The following ANKMY2 variants were observed in gnomAD, a reference collection of about 807,000 sequenced individuals.
The protein encoded by ANKMY2 is ankyrin repeat and MYND domain containing 2, also known as ankyrin repeat and MYND domain-containing protein 2.
In ANKMY2, 36 loss-of-function variants were observed where a neutral mutation model predicts 50.4. That is an observed-to-expected ratio of 0.71 (90% CI 0.55 to 0.94). The LOEUF (loss-of-function observed/expected upper bound fraction) is 0.94, where lower values mean the gene tolerates loss of function less well. Ranked by LOEUF, ANKMY2 falls within the 40% of genes least tolerant of loss-of-function variation. The pLI is 0.00. For synonymous variants in ANKMY2, 187 were observed against 178.8 expected (o/e 1.05, Z -0.36); for missense variants, 565 against 524.0 (o/e 1.08, Z -0.76).
chr7:16,622,845 G>A (rs982758425), intron 4 of ANKMY2, among the ~76,000 whole-genome samples: 2 of 152,114 alleles, frequency 1.3e-5, no homozygotes, highest in African/African-American at 2.4e-5. Context: ...ATACTTTAGA[G>A]ATATTAAAGT....
chr7:16,625,138 C>T lies in ANKMY2; in HGVS notation c.272-57G>A, dbSNP rs1019115488. 7.5e-5 allele frequency: 105 copies of T among 1,393,744 alleles called. No individual in the cohort carries two copies. In the South Asian group the frequency reaches 1.0e-3, roughly 13 times the overall value. The allele number at this position is 1,393,744 out of a possible 1,614,324, so 86.3% of individuals were successfully genotyped here. On this transcript the variant is annotated intron_variant, in intron 3 of 9. Transcript: ENST00000306999. Reference sequence around the variant, plus strand: ...GTTAAGGAGGACACAATTTAAACATCCCTTTCTAAACTCTCTATACCCTTT... The same window carrying T: ...GTTAAGGAGGACACAATTTAAACATTCCTTTCTAAACTCTCTATACCCTTT...
intron 2 of ANKMY2, among the ~76,000 whole-genome samples, chr7:16,628,146 T>C (rs991951346): frequency 1.3e-5 from 2 of 152,202 alleles, no homozygotes; most frequent in African/African-American, 4.8e-5. Context: ...ATTTTCTCAG[T>C]AGTGTAGGCG....
intron 9 of ANKMY2, 133 bp from the exon 10 acceptor site, chr7:16,601,078 T>A: frequency 1.6e-6 from 1 of 633,486 alleles, no homozygotes; most frequent in Non-Finnish European, 2.3e-6. Context: ...ATCGCTAACG[T>A]TATTTTACAA....
At chr7:16,611,789 C>T (rs1190364669) in intron 5 of ANKMY2, among the ~76,000 whole-genome samples, 1 of 152,160 alleles carries the variant, frequency 6.6e-6, no homozygotes, top group African/African-American at 2.4e-5. Flanking sequence ...TGGTTTTCTA[C>T]ACTGTTGTGC....
chr7:16,632,138 T>G (rs1781596410), intron 2 of ANKMY2, among the ~76,000 whole-genome samples: 1 of 149,438 alleles, frequency 6.7e-6, no homozygotes, highest in Admixed American at 6.7e-5. Context: ...CCTTCCTTCC[T>G]CCTTACTGTT....
chr7:16,605,681 T>G (rs1338378836), intron 7 of ANKMY2, among the ~76,000 whole-genome samples: 23,265 of 130,038 alleles, frequency 0.18, 2,338 homozygotes, highest in East Asian at 0.44. Context: ...GTACTTTTTT[T>G]TTTTTTTTTT....
intron 1 of ANKMY2, chr7:16,644,644 C>A: frequency 2.1e-6 from 1 of 470,420 alleles, no homozygotes; most frequent in Non-Finnish European, 4.4e-6. Context: ...ATCCCTGCAC[C>A]GTGAGGGTGC....
intron 5 of ANKMY2, among the ~76,000 whole-genome samples, chr7:16,613,280 T>C (rs1252399877): frequency 6.6e-6 from 1 of 152,136 alleles, no homozygotes; most frequent in South Asian, 2.1e-4. Context: ...GAGGTGTGTA[T>C]TGGGGAGAAT....
rs377471359 is a variant in ANKMY2 at position 16,622,882 on chromosome 7, C to T, written c.370+2101G>A. 2.8e-4 allele frequency among the ~76,000 whole-genome samples: 43 copies of T among 152,186 alleles called. No homozygotes were observed. In the South Asian group the frequency reaches 8.3e-3, roughly 29 times the overall value. ...CTAACATGTAAAAAATATTCAAGTA[C>T]TAACTTGTAAAACATAGAAAATCAA... On this transcript the variant is annotated intron_variant, in intron 4 of 9. Coordinates refer to ENST00000306999, the MANE Select transcript of ANKMY2 (RefSeq NM_020319.3).
chr7:16,603,919 ATTTTAAG>A (rs1263171000), intron 8 of ANKMY2, among the ~76,000 whole-genome samples: 3 of 152,256 alleles, frequency 2.0e-5, no homozygotes, highest in Non-Finnish European at 2.9e-5. Context: ...AATGATTATC[ATTTTAAG>A]CACTGAGTTT....
chr7:16,607,922 T>A (rs908210792), intron 7 of ANKMY2, among the ~76,000 whole-genome samples: 1 of 151,960 alleles, frequency 6.6e-6, no homozygotes, highest in East Asian at 1.9e-4. Context: ...CTAAGGAAAG[T>A]CATGTGACAC....
chr7:16,600,747 A>T lies in ANKMY2; in HGVS notation c.*14T>A. On this transcript the variant is annotated 3_prime_UTR_variant, in exon 10 of 10. Transcript: ENST00000306999. Reference sequence around the variant, plus strand: ...CAGGGTGAGGATCATCCACACTGGCACTTGCTCTGGCTTTTACTCCTCAGA... The same window carrying T: ...CAGGGTGAGGATCATCCACACTGGCTCTTGCTCTGGCTTTTACTCCTCAGA... 1 of 1,594,084 alleles carries T rather than the reference A, an allele frequency of 6.3e-7. No homozygotes were observed. Among genetic ancestry groups the T allele is most frequent in the Non-Finnish European group, 8.5e-7 (1 of 1,169,822 alleles).
chr7:16,629,940 C>G (rs1781558068), intron 2 of ANKMY2, among the ~76,000 whole-genome samples: 1 of 152,050 alleles, frequency 6.6e-6, no homozygotes, highest in Admixed American at 6.6e-5. Flanking sequence ...ACCCACCATG[C>G]TATAAATTTT....
At chr7:16,636,255 A>G in intron 2 of ANKMY2, 136 bp downstream of exon 2, 2 of 639,672 alleles carry the variant, frequency 3.1e-6, no homozygotes, top group Non-Finnish European at 5.0e-6. Flanking sequence ...GTGAGCCAAA[A>G]TTGTGCCACT....
chr7:16,631,099 C>T (rs897432190), intron 2 of ANKMY2, among the ~76,000 whole-genome samples: 1 of 152,134 alleles, frequency 6.6e-6, no homozygotes, highest in African/African-American at 2.4e-5. Flanking sequence ...GTCATTCTAT[C>T]CTAATTTGTT....
At chr7:16,607,972 T>C (rs1193999948) in intron 7 of ANKMY2, among the ~76,000 whole-genome samples, 1 of 152,116 alleles carries the variant, frequency 6.6e-6, no homozygotes, top group African/African-American at 2.4e-5. Flanking sequence ...TTTCCAGATA[T>C]AGACCCCTTT....
intron 7 of ANKMY2, among the ~76,000 whole-genome samples, chr7:16,607,940 G>A (rs1781187395): frequency 6.6e-6 from 1 of 152,120 alleles, no homozygotes; most frequent in Admixed American, 6.5e-5. Flanking sequence ...CACAGGCAGA[G>A]GGCTTCTGGG....
chr7:16,604,786 C>A lies in ANKMY2; in HGVS notation c.946G>T (p.Asp316Tyr), dbSNP rs778888872. The A allele has an allele frequency of 1.7e-5, 28 of 1,613,984 alleles. No individual in the cohort carries two copies. The highest frequency in any genetic ancestry group is 2.2e-5 in the Non-Finnish European group (26 of 1,179,978). Residue 316 changes from aspartate to tyrosine, a missense_variant, in exon 8 of 10, where the codon GAT becomes TAT. Physicochemically the swap from Asp to Tyr is radical, Grantham distance 160 (BLOSUM62 -3). Coordinates refer to ENST00000306999, the MANE Select transcript of ANKMY2 (RefSeq NM_020319.3). ...CCACAGGTAGTGCAAAATTCCACAT[C>A]CACAAAACCCACCTGGCCAGTGATG... ...QAITGQVGFV[D>Y]VEFCTTCGEK... is the part of the protein sequence containing the mutation.
At chr7:16,617,747 C>CT (rs1219089410) in intron 4 of ANKMY2, among the ~76,000 whole-genome samples, 4 of 152,014 alleles carry the variant, frequency 2.6e-5, no homozygotes, top group African/African-American at 9.7e-5. Context: ...AGGAGGATTG[C>CT]TTAAGCCCAG....
Sources: gnomAD v4.1 joint callset for allele counts (sites outside exome capture counted in the v4.1 genomes callset) on GRCh38, gnomAD v4.1.1 for gene constraint, MANE v1.5 for transcripts, NCBI Gene and HGNC (gene_info 2026-07-23, HGNC 2026-07-21) for gene names.